The following UBE2E2 variants were observed in gnomAD, a reference collection of about 807,000 sequenced individuals.
The protein encoded by UBE2E2 is ubiquitin-conjugating enzyme E2 E2.
In UBE2E2, 6 loss-of-function variants were observed where a neutral mutation model predicts 24.7. The observed-to-expected ratio is 0.24, with a 90% confidence interval of 0.13 to 0.48. The LOEUF is 0.48. Among genes scored for constraint, UBE2E2 ranks in the 20% least tolerant of loss-of-function variants. The pLI is 0.99. For synonymous variants in UBE2E2, 104 were observed against 83.6 expected (o/e 1.24, Z -1.33); for missense variants, 169 against 245.0 (o/e 0.69, Z 2.07).
chr3:23,564,909 A>C (rs1419992031), intron 5 of UBE2E2, among the ~76,000 whole-genome samples: 1 of 152,182 alleles, frequency 6.6e-6, no homozygotes. Flanking sequence ...TGCTACTTAC[A>C]TGAGAAGTAA....
intron 3 of UBE2E2, among the ~76,000 whole-genome samples, chr3:23,409,729 C>G (rs74714370): frequency 6.6e-6 from 1 of 152,096 alleles, no homozygotes; most frequent in Non-Finnish European, 1.5e-5. Context: ...AGTCTGAAAT[C>G]AAGGTATCAA....
At chr3:23,340,290 A>G (rs1695344020) in intron 3 of UBE2E2, among the ~76,000 whole-genome samples, 1 of 152,170 alleles carries the variant, frequency 6.6e-6, no homozygotes, top group Non-Finnish European at 1.5e-5. Context: ...TTTACATTAA[A>G]TTTTTAGCTA....
At position 23,283,751 on chromosome 3, in the gene UBE2E2, T is replaced by TCAAAA. The variant is rs1218265248; in HGVS notation, c.227+66454_227+66458dup. Among the ~76,000 whole-genome samples the TCAAAA allele has an allele frequency of 2.0e-5, 3 of 152,164 alleles. No homozygotes were observed. In the South Asian group the frequency reaches 6.2e-4, roughly 32 times the overall value. On this transcript the variant is annotated intron_variant, in intron 3 of 5. Transcript: ENST00000396703. ...CTGGGTGACAGAGCAAGACCCTGTC[T>TCAAAA]CAAAACAAAACAAAACAAAGCCTTC...
At chr3:23,385,071 C>T (rs986910002) in intron 3 of UBE2E2, among the ~76,000 whole-genome samples, 6 of 152,164 alleles carry the variant, frequency 3.9e-5, no homozygotes, top group African/African-American at 9.7e-5. Context: ...GCTGGGACCA[C>T]GGGCGCACAC....
At chr3:23,301,305 A>G (rs1699081947) in intron 3 of UBE2E2, among the ~76,000 whole-genome samples, 1 of 152,158 alleles carries the variant, frequency 6.6e-6, no homozygotes, top group African/African-American at 2.4e-5. Flanking sequence ...TTCTCCGTCC[A>G]GCTTTGTTCT....
intron 5 of UBE2E2, among the ~76,000 whole-genome samples, chr3:23,555,971 T>C (rs1695769517): frequency 6.6e-6 from 1 of 152,022 alleles, no homozygotes; most frequent in African/African-American, 2.4e-5. Context: ...TAATAGTGTC[T>C]TCAGGATTTT....
chr3:23,257,974 G>T (rs954813463), intron 3 of UBE2E2, among the ~76,000 whole-genome samples: 4 of 152,014 alleles, frequency 2.6e-5, no homozygotes, highest in South Asian at 2.1e-4. Flanking sequence ...CCTAGGAGAG[G>T]TGATTATTGG....
chr3:23,548,703 C>T (rs990532147), intron 5 of UBE2E2, among the ~76,000 whole-genome samples: 1 of 152,162 alleles, frequency 6.6e-6, no homozygotes, highest in Non-Finnish European at 1.5e-5. Flanking sequence ...TGCTCTCCTC[C>T]TTAACTTCAT....
At chr3:23,393,215 G>T (rs996342767) in intron 3 of UBE2E2, among the ~76,000 whole-genome samples, 1 of 152,136 alleles carries the variant, frequency 6.6e-6, no homozygotes, top group African/African-American at 2.4e-5. Context: ...ATATTTAGGG[G>T]ATAAAATAGA....
chr3:23,520,858 G>C (rs1000112361), intron 4 of UBE2E2, among the ~76,000 whole-genome samples: 7 of 152,130 alleles, frequency 4.6e-5, no homozygotes, highest in East Asian at 1.9e-4. Flanking sequence ...GCCCAGGCTG[G>C]TCTCAGATTT....
At chr3:23,379,860 G>T (rs978327973) in intron 3 of UBE2E2, among the ~76,000 whole-genome samples, 1 of 151,970 alleles carries the variant, frequency 6.6e-6, no homozygotes, top group African/African-American at 2.4e-5. Flanking sequence ...AAGGAGTTTG[G>T]TCCGTTAGAC....
chr3:23,296,076 C>A (rs1265325876), intron 3 of UBE2E2, among the ~76,000 whole-genome samples: 1 of 152,240 alleles, frequency 6.6e-6, no homozygotes, highest in South Asian at 2.1e-4. Context: ...AGTTCCCTTT[C>A]AGTAAGTTTT....
At chr3:23,412,407 A>T (rs933424229) in intron 3 of UBE2E2, among the ~76,000 whole-genome samples, 20 of 151,710 alleles carry the variant, frequency 1.3e-4, no homozygotes, top group Admixed American at 1.3e-3. Context: ...GTTTCAGAGC[A>T]CTTTCAAAGG....
intron 3 of UBE2E2, among the ~76,000 whole-genome samples, chr3:23,293,349 T>G (rs9815299): frequency 2.0e-5 from 3 of 152,252 alleles, no homozygotes; most frequent in Admixed American, 2.0e-4. Context: ...TGAACTTCAT[T>G]TAGGACTTGC....
intron 5 of UBE2E2, among the ~76,000 whole-genome samples, chr3:23,586,929 T>A (rs1227433574): frequency 6.6e-6 from 1 of 151,570 alleles, no homozygotes. Context: ...TTACATCATG[T>A]GATTAGAAGT....
rs55735302 is a variant in UBE2E2 at position 23,232,103 on chromosome 3, C to G, written c.227+14791C>G. Reference sequence around the variant, plus strand: ...ATGATCTTAAGCTTCAGTCCCCTCTCCACCCTGGAAGTTGAAGGGTAAGGT... The same window carrying G: ...ATGATCTTAAGCTTCAGTCCCCTCTGCACCCTGGAAGTTGAAGGGTAAGGT... On this transcript the variant is annotated intron_variant, in intron 3 of 5. Coordinates refer to ENST00000396703, the MANE Select transcript of UBE2E2 (RefSeq NM_152653.4). 6.0e-3 allele frequency among the ~76,000 whole-genome samples: 916 copies of G among 152,300 alleles called. 11 individuals carry two copies. The highest frequency in any genetic ancestry group is 0.021 in the African/African-American group (873 of 41,568).
At chr3:23,466,058 G>T (rs1698912970) in intron 3 of UBE2E2, among the ~76,000 whole-genome samples, 1 of 152,174 alleles carries the variant, frequency 6.6e-6, no homozygotes, top group South Asian at 2.1e-4. Flanking sequence ...CATCCAAAAT[G>T]TGGCACATTG....
At chr3:23,320,822 C>T (rs1419594018) in intron 3 of UBE2E2, among the ~76,000 whole-genome samples, 1 of 152,192 alleles carries the variant, frequency 6.6e-6, no homozygotes. Context: ...TAGTCTGTGT[C>T]TATTGGTATC....
At chr3:23,303,646 G>A (rs937030578) in intron 3 of UBE2E2, among the ~76,000 whole-genome samples, 1 of 152,164 alleles carries the variant, frequency 6.6e-6, no homozygotes, top group African/African-American at 2.4e-5. Flanking sequence ...CGTTATGCAT[G>A]AGTGAGGGGT....
Sources: allele counts gnomAD v4.1 joint callset (sites outside exome capture counted in the v4.1 genomes callset), GRCh38; gene constraint gnomAD v4.1.1; transcripts MANE v1.5; gene names NCBI Gene and HGNC (gene_info 2026-07-23, HGNC 2026-07-21).